LRFN1: variants seen among roughly 807,000 people sequenced by gnomAD.
LRFN1 encodes the protein leucine-rich repeat and fibronectin type III domain-containing protein 1.
In LRFN1, 20 loss-of-function variants were observed where a neutral mutation model predicts 31.8. The ratio of observed to expected loss-of-function variants is 0.63; its 90% CI spans 0.44 to 0.91. LRFN1 has a LOEUF of 0.91. LRFN1 is among the 40% of genes least tolerant of loss of function. The probability of loss-of-function intolerance (pLI) is 0.00; values close to 1 mark genes in which losing one functional copy is unlikely to be tolerated. For missense variants in LRFN1, 912 were observed against 1,129.8 expected (o/e 0.81, Z 2.76); for synonymous variants, 514 against 541.3 (o/e 0.95, Z 0.70).
intron 4 of LRFN1, among the ~76,000 whole-genome samples, chr19:39,309,409 A>T (rs1465788197): frequency 6.8e-6 from 1 of 147,038 alleles, no homozygotes; most frequent in Non-Finnish European, 1.5e-5. Flanking sequence ...AGCCGAGACC[A>T]CATCATTGCA....
chr19:39,306,730 A>ACAC lies in LRFN1; in HGVS notation c.*902_*903insGTG, dbSNP rs2075129670. 1 of 134,768 alleles carries ACAC rather than the reference A, an allele frequency of 7.4e-6. No individual in the cohort carries two copies. Among genetic ancestry groups the ACAC allele is most frequent in the Non-Finnish European group, 1.6e-5 (1 of 61,982 alleles). The allele number at this position is 134,768 out of a possible 1,614,324, so 8.3% of individuals were successfully genotyped here. On this transcript the variant is annotated 3_prime_UTR_variant, in exon 5 of 5. Transcript: ENST00000248668. ...GCTGCAATCTAGGTCACCCTCCCCC[A>ACAC]ACACACACACACACACACACACACA...
chr19:39,314,577 G>A lies in LRFN1; in HGVS notation c.760C>T (p.Leu254=). 1 of 1,609,894 alleles carries A rather than the reference G, an allele frequency of 6.2e-7. No homozygotes were observed. The highest frequency in any genetic ancestry group is 8.5e-7 in the Non-Finnish European group (1 of 1,178,492). The change falls in exon 4 of 5, where the codon CTG becomes TTG. Residue 254 remains leucine (L), a synonymous_variant. Coordinates refer to ENST00000248668, the MANE Select transcript of LRFN1 (RefSeq NM_020862.2). ...PLTVSFGGNP[L]HCNCELLWLR... The stretch of plus-strand genomic sequence containing the variant: ...CAGAGCAGCTCGCAGTTGCAGTGCA[G>A]GGGGTTGCCGCCGAAGCTGACGGTC...
At chr19:39,310,515 G>A (rs1471724856) in intron 4 of LRFN1, among the ~76,000 whole-genome samples, 4 of 152,162 alleles carry the variant, frequency 2.6e-5, no homozygotes, top group Non-Finnish European at 4.4e-5. Flanking sequence ...GCTAGGCCTT[G>A]GCCCTCTTCT....
rs1458521513 is a variant in LRFN1 at position 39,308,149 on chromosome 19, C to T, written c.1800G>A (p.Pro600=). Reference sequence around the variant, plus strand: ...GCAGCGCCTCGTAGTGGTCCTGGGCCGGCAGGGCCGGGGCCTGTGCCGCGC... The same window carrying T: ...GCAGCGCCTCGTAGTGGTCCTGGGCTGGCAGGGCCGGGGCCTGTGCCGCGC... The part of the protein sequence containing the change: ...GTGAAQAPAL[P]AQDHYEALRE... Residue 600 remains proline (P), a synonymous_variant, in exon 5 of 5, where the codon CCG becomes CCA. Coordinates refer to ENST00000248668, the MANE Select transcript of LRFN1 (RefSeq NM_020862.2). This position sits in a 1 kb window ranked among gnomAD's most constrained non-coding sequence, Gnocchi z 6.2. The T allele has an allele frequency of 1.9e-6, 3 of 1,541,666 alleles. No homozygotes were observed. Among genetic ancestry groups the T allele is most frequent in the Non-Finnish European group, 2.6e-6 (3 of 1,146,120 alleles).
chr19:39,318,701 G>A (rs2075179240), intron 1 of LRFN1, among the ~76,000 whole-genome samples: 1 of 152,102 alleles, frequency 6.6e-6, no homozygotes, highest in Non-Finnish European at 1.5e-5. Flanking sequence ...TTACATCCCA[G>A]CCCCTCAACT....
At position 39,307,467 on chromosome 19, in the gene LRFN1, C is replaced by T. The variant is rs1568567206; in HGVS notation, c.*166G>A. The T allele has an allele frequency of 4.2e-6, 3 of 716,692 alleles. No individual in the cohort carries two copies. The highest frequency in any genetic ancestry group is 5.9e-6 in the Non-Finnish European group (3 of 504,210). 44.4% of individuals were successfully genotyped at this position (716,692 alleles called of 1,614,324 possible). A position where few individuals can be genotyped will look rare whatever the true frequency, so the allele number is the denominator to read the frequency against. On this transcript the variant is annotated 3_prime_UTR_variant, in exon 5 of 5. Transcript: ENST00000248668. The surrounding 1 kb of genome is among the most constrained non-coding windows in gnomAD (Gnocchi z 6.7). ...CCCCGCCCTGGGCACGGGGGCGTGG[C>T]CTCGAGCCGCAGCCCGAGGCTGCCC...
At chr19:39,313,590 A>C (rs1342324289) in intron 4 of LRFN1, among the ~76,000 whole-genome samples, 1 of 152,166 alleles carries the variant, frequency 6.6e-6, no homozygotes, top group Non-Finnish European at 1.5e-5. Flanking sequence ...ATGCTCCAAA[A>C]TGTTTAACTG....
At chr19:39,316,528 G>A (rs1307334439) in intron 2 of LRFN1, among the ~76,000 whole-genome samples, 1 of 152,144 alleles carries the variant, frequency 6.6e-6, no homozygotes, top group Admixed American at 6.5e-5. Context: ...CCCCCCTCCC[G>A]CCTCTGGCAT....
chr19:39,315,422 GGATGTCCTGCTAC>G lies in LRFN1; in HGVS notation c.-37-62_-37-50del. The G allele has an allele frequency of 8.0e-7, 1 of 1,247,158 alleles. No homozygotes were observed. The highest frequency in any genetic ancestry group is 1.1e-6 in the Non-Finnish European group (1 of 929,698). The allele number at this position is 1,247,158 out of a possible 1,614,324, so 77.3% of individuals were successfully genotyped here. A position where few individuals can be genotyped will look rare whatever the true frequency, so the allele number is the denominator to read the frequency against. On this transcript the variant is annotated intron_variant, in intron 3 of 4. Coordinates refer to ENST00000248668, the MANE Select transcript of LRFN1 (RefSeq NM_020862.2). This position sits in a 1 kb window ranked among gnomAD's most constrained non-coding sequence, Gnocchi z 4.7. ...CCAGGCGTGGGACTTGGCCGCCATG[GGATGTCCTGCTAC>G]GAGTCAGGCCTGGATCCCTCCCCTA...
Position 39,315,717 on chromosome 19 carries a change from G to C in LRFN1, c.-37-344C>G, listed in dbSNP as rs2145037508. Reference sequence around the variant, plus strand: ...GCCTGTAATCCCAGCTACTTGGGAGGCTGAAGCACGAGAATCGCTTGAACC... The same window carrying C: ...GCCTGTAATCCCAGCTACTTGGGAGCCTGAAGCACGAGAATCGCTTGAACC... On this transcript the variant is annotated intron_variant, in intron 3 of 4. Coordinates refer to ENST00000248668, the MANE Select transcript of LRFN1 (RefSeq NM_020862.2). The surrounding 1 kb of genome is among the most constrained non-coding windows in gnomAD (Gnocchi z 4.7). Among the ~76,000 whole-genome samples, 1 of 152,298 alleles carries C rather than the reference G, an allele frequency of 6.6e-6. No individual in the cohort carries two copies. The highest frequency in any genetic ancestry group is 2.1e-4 in the South Asian group (1 of 4,820).
Position 39,313,926 on chromosome 19 carries a change from C to A in LRFN1, c.1406+5G>T. 1 of 1,580,696 alleles carries A rather than the reference C, an allele frequency of 6.3e-7. No individual in the cohort carries two copies. The highest frequency in any genetic ancestry group is 1.1e-5 in the South Asian group (1 of 89,680). On this transcript the variant is annotated splice_donor_5th_base_variant and intron_variant, in intron 4 of 4. Coordinates refer to ENST00000248668, the MANE Select transcript of LRFN1 (RefSeq NM_020862.2). ...AGGCCCTGGGACTGCAGCACCCGCACCCACCTGTAGACGAGGGAGTCATCA... is the reference window on the plus strand; with the variant it reads ...AGGCCCTGGGACTGCAGCACCCGCAACCACCTGTAGACGAGGGAGTCATCA...
intron 2 of LRFN1, 121 bp downstream of exon 2, chr19:39,318,205 A>C (rs924634312): frequency 8.5e-5 from 13 of 152,406 alleles, no homozygotes; most frequent in African/African-American, 2.2e-4. Context: ...GTCCTTCAGG[A>C]AACTGTCATC....
Position 39,314,612 on chromosome 19 carries a change from G to A in LRFN1, c.725C>T (p.Pro242Leu). 5.0e-6 allele frequency: 8 copies of A among 1,609,982 alleles called. No individual in the cohort carries two copies. The highest frequency in any genetic ancestry group is 6.8e-6 in the Non-Finnish European group (8 of 1,178,262). Residue 242 changes from proline to leucine, a missense_variant, in exon 4 of 5, where the codon CCC (proline) becomes CTC (leucine). By Grantham distance (98) the Pro-to-Leu change is moderately conservative. Around this residue, in one of 2 missense-constraint regions of LRFN1, gnomAD observed 401 missense variants for 572.7 expected, o/e 0.70. Transcript: ENST00000248668. ...LRSQGTGPKPPTPLTVSFGGN... is the reference protein window; with the variant it reads ...LRSQGTGPKPLTPLTVSFGGN... ...GCCGAAGCTGACGGTCAGCGGGGTG[G>A]GCGGCTTGGGCCCGGTGCCCTGCGA...
rs369162560 is a variant in LRFN1 at position 39,313,894 on chromosome 19, T to C, written c.1406+37A>G. The stretch of plus-strand genomic sequence containing the variant: ...GTGGGAGGGAGGGTCCCCCTGGGCT[T>C]GGGAGGAGGCCCTGGGACTGCAGCA... On this transcript the variant is annotated intron_variant, in intron 4 of 4. Transcript: ENST00000248668. 6 of 1,549,858 alleles carry C rather than the reference T, an allele frequency of 3.9e-6. No individual in the cohort carries two copies. The Admixed American group carries it at 8.7e-5, about 23-fold the overall frequency.
intron 1 of LRFN1, among the ~76,000 whole-genome samples, chr19:39,319,327 G>A (rs534861508): frequency 6.6e-6 from 1 of 152,060 alleles, no homozygotes; most frequent in Admixed American, 6.5e-5. Flanking sequence ...ACACACACCT[G>A]TGCAAACATA....
intron 1 of LRFN1, among the ~76,000 whole-genome samples, chr19:39,318,798 G>A (rs1478922950): frequency 6.6e-6 from 1 of 152,200 alleles, no homozygotes; most frequent in Admixed American, 6.5e-5. Flanking sequence ...CAACATGTGT[G>A]TCCATGTCAG....
In LRFN1 at chr19:39,315,016, G is replaced by T. The variant is rs1223908553; in HGVS notation, c.321C>A (p.Gly107=). The change falls in exon 4 of 5, where the codon GGC becomes GGA. Residue 107 remains glycine, a synonymous_variant. Transcript: ENST00000248668. The surrounding 1 kb of genome is among the most constrained non-coding windows in gnomAD (Gnocchi z 4.7). ...SRNTIGQVAA[G]AFADLRALRA... ...GGAGGGCACGCAGGTCGGCGAAGGCGCCAGCTGCCACCTGGCCGATGGTGT... is the reference window on the plus strand; with the variant it reads ...GGAGGGCACGCAGGTCGGCGAAGGCTCCAGCTGCCACCTGGCCGATGGTGT... 9.4e-6 allele frequency: 15 copies of T among 1,593,144 alleles called. No homozygotes were observed. Among genetic ancestry groups the T allele is most frequent in the Non-Finnish European group, 1.3e-5 (15 of 1,176,880 alleles).
intron 2 of LRFN1, among the ~76,000 whole-genome samples, chr19:39,317,135 A>T (rs1416860527): frequency 6.6e-6 from 1 of 152,176 alleles, no homozygotes; most frequent in Non-Finnish European, 1.5e-5. Flanking sequence ...AGGAAGGTGA[A>T]CAGACAGAAA....
intron 1 of LRFN1, among the ~76,000 whole-genome samples, chr19:39,320,104 C>G (rs1012079692): frequency 6.7e-6 from 1 of 149,250 alleles, no homozygotes; most frequent in Admixed American, 6.7e-5. Context: ...CGCCCATCCC[C>G]CCCCCGCAAC....
Sources: gnomAD v4.1 joint callset for allele counts (sites outside exome capture counted in the v4.1 genomes callset) on GRCh38, gnomAD v4.1.1 for gene constraint, gnomAD v4.1.1 regional missense constraint, Gnocchi (gnomAD v3.1) non-coding constraint, MANE v1.5 for transcripts, NCBI Gene and HGNC (gene_info 2026-07-23, HGNC 2026-07-21) for gene names.